Variants in CSF1R observed in about 807,000 individuals in gnomAD.
The protein encoded by CSF1R is colony stimulating factor 1 receptor, also known as macrophage colony-stimulating factor 1 receptor.
CSF1R carries 40 observed loss-of-function variants against 110.0 expected under a neutral mutation model. The observed-to-expected ratio is 0.36, with a 90% CI of 0.28 to 0.47. The LOEUF (loss-of-function observed/expected upper bound fraction) is 0.47, where lower values mean the gene tolerates loss of function less well. Ranked by LOEUF, CSF1R falls within the 20% of genes least tolerant of loss-of-function variation. CSF1R has a pLI of 0.99. For synonymous variants in CSF1R, 523 were observed against 503.4 expected (o/e 1.04, Z -0.52); for missense variants, 1,052 against 1,253.0 (o/e 0.84, Z 2.42).
At chr5:150,068,437 T>C (rs902008047) in intron 9 of CSF1R, 107 bp from the exon 10 acceptor site, 2 of 701,614 alleles carry the variant, frequency 2.9e-6, no homozygotes, top group African/African-American at 1.8e-5. Flanking sequence ...TAAATGCTTG[T>C]TGACTGAATG....
chr5:150,057,246 A>C, intron 16 of CSF1R, 41 bp downstream of exon 16: 1 of 1,570,616 alleles, frequency 6.4e-7, no homozygotes, highest in Non-Finnish European at 8.7e-7. Context: ...CCCGGAGCAC[A>C]GACCTGGGTG....
intron 5 of CSF1R, chr5:150,076,971 GAA>G (rs1758293100): frequency 2.3e-6 from 1 of 426,690 alleles, no homozygotes; most frequent in South Asian, 2.2e-5. Flanking sequence ...ATGCATGAAA[GAA>G]TGAACAAATG....
intron 1 of CSF1R, among the ~76,000 whole-genome samples, chr5:150,093,630 A>T (rs1759116730): frequency 6.6e-6 from 1 of 152,246 alleles, no homozygotes; most frequent in South Asian, 2.1e-4. Context: ...ATCTAACAAG[A>T]TGGTAGAAGA....
In CSF1R at chr5:150,073,528, T is replaced by G. The variant is rs764133773; in HGVS notation, c.890-35A>C. On this transcript the variant is annotated intron_variant, in intron 5 of 20. Transcript: ENST00000675795. ...AGAACACACAAGCATCTGGCATTAG[T>G]GGGAAGATGTCCTTGTTTATTTGTC... is the stretch of plus-strand genomic sequence containing the variant. The G allele has an allele frequency of 5.0e-6, 8 of 1,592,550 alleles. No homozygotes were observed. In the South Asian group the frequency reaches 8.9e-5, roughly 18 times the overall value.
intron 3 of CSF1R, 39 bp from the exon 4 acceptor site, chr5:150,078,287 C>T (rs549811453): frequency 1.9e-6 from 3 of 1,610,928 alleles, no homozygotes; most frequent in East Asian, 4.5e-5. Context: ...CCCAGGCTCC[C>T]TGAACATGAT....
chr5:150,084,414 G>A (rs10038029), intron 1 of CSF1R, among the ~76,000 whole-genome samples: 79 of 52,184 alleles, frequency 1.5e-3, no homozygotes, highest in Middle Eastern at 9.1e-3. Flanking sequence ...AAGGAAGGAA[G>A]GAAGGAAGGA....
chr5:150,068,164 C>T (rs765492401), intron 10 of CSF1R, 51 bp downstream of exon 10: 2 of 1,445,534 alleles, frequency 1.4e-6, no homozygotes, highest in South Asian at 2.4e-5. Flanking sequence ...GGGGTACCAT[C>T]CAAATCTGGC....
intron 1 of CSF1R, among the ~76,000 whole-genome samples, chr5:150,092,027 A>C (rs1447847365): frequency 2.6e-5 from 4 of 152,264 alleles, no homozygotes; most frequent in African/African-American, 9.6e-5. Context: ...TAACTATTTA[A>C]AACAGACATT....
chr5:150,086,548 G>T lies in CSF1R; in HGVS notation c.-121C>A. On this transcript the variant is annotated 5_prime_UTR_variant, in exon 1 of 21. Transcript: ENST00000675795. ...ACACACGTTCCTCTCCTCTGCACTG[G>T]CTGTTTGTCTTGTTTTCCTCTTCCT... The T allele has an allele frequency of 2.2e-6, 2 of 914,158 alleles. No homozygotes were observed. Among genetic ancestry groups the T allele is most frequent in the Non-Finnish European group, 3.4e-6 (2 of 586,370 alleles). The allele number at this position is 914,158 out of a possible 1,614,324, so 56.6% of individuals were successfully genotyped here. A position where few individuals can be genotyped will look rare whatever the true frequency, so the allele number is the denominator to read the frequency against.
chr5:150,065,169 G>A (rs1181996247), intron 10 of CSF1R, among the ~76,000 whole-genome samples: 1 of 152,180 alleles, frequency 6.6e-6, no homozygotes, highest in Admixed American at 6.5e-5. Context: ...CCCCACCAAA[G>A]GGGGCATGGA....
At chr5:150,104,362 G>C (rs1759486991) in intron 1 of CSF1R, among the ~76,000 whole-genome samples, 1 of 152,248 alleles carries the variant, frequency 6.6e-6, no homozygotes, top group Admixed American at 6.5e-5. Context: ...GATGCTGCTT[G>C]TCCTGTCATT....
At chr5:150,109,122 C>T (rs1759642812) in intron 1 of CSF1R, among the ~76,000 whole-genome samples, 2 of 150,888 alleles carry the variant, frequency 1.3e-5, no homozygotes, top group Admixed American at 6.6e-5. Flanking sequence ...GGCCCCTGAC[C>T]CCAGGGCTCA....
chr5:150,077,224 TCA>T (rs1255117176), intron 5 of CSF1R, 50 bp downstream of exon 5: 2 of 1,610,364 alleles, frequency 1.2e-6, no homozygotes, highest in South Asian at 2.2e-5. Context: ...ACCCTTCTGC[TCA>T]CACTCCTGCA....
upstream of CSF1R, among the ~76,000 whole-genome samples, chr5:150,089,521 A>G (rs1316842042): frequency 6.6e-6 from 1 of 152,248 alleles, no homozygotes; most frequent in Non-Finnish European, 1.5e-5. Flanking sequence ...AATGAAAACT[A>G]CAAAACACTG....
rs746020749 is a variant in CSF1R at position 150,054,148 on chromosome 5, G to C, written c.2840C>G (p.Ser947Cys). 1 of 1,613,752 alleles carries C rather than the reference G, an allele frequency of 6.2e-7. No individual in the cohort carries two copies. Among genetic ancestry groups the C allele is most frequent in the Non-Finnish European group, 8.5e-7 (1 of 1,179,890 alleles). Residue 947 changes from serine (S) to cysteine (C), a missense_variant, in exon 21 of 21, where the codon TCT (serine) becomes TGT (cysteine). This residue lies in a region of CSF1R where 85 missense variants were observed against 78.8 expected (regional missense o/e 1.08). Transcript: ENST00000675795. ...CTCGCAGCAGGTCAGGTGCTCACTA[G>C]AGCTCTCCTCCTCCAGCTCACTGCT... ...SSSSELEEES[S>C]SEHLTCCEQG...
intron 1 of CSF1R, among the ~76,000 whole-genome samples, chr5:150,109,141 G>A (rs1442405709): frequency 6.7e-6 from 1 of 149,748 alleles, no homozygotes; most frequent in Non-Finnish European, 1.5e-5. Flanking sequence ...CAGCCTGCTG[G>A]CCACTCTGAG....
intron 4 of CSF1R, among the ~76,000 whole-genome samples, chr5:150,077,859 T>C (rs967419524): frequency 6.6e-6 from 1 of 152,234 alleles, no homozygotes; most frequent in Non-Finnish European, 1.5e-5. Context: ...AAAGGCCATG[T>C]GTCAAGGTGA....
At position 150,086,548 on chromosome 5, in the gene CSF1R, G is replaced by C; in HGVS notation, c.-121C>G. 1 of 914,166 alleles carries C rather than the reference G, an allele frequency of 1.1e-6. No homozygotes were observed. The allele number at this position is 914,166 out of a possible 1,614,324, so 56.6% of individuals were successfully genotyped here. A position where few individuals can be genotyped will look rare whatever the true frequency, so the allele number is the denominator to read the frequency against. ...ACACACGTTCCTCTCCTCTGCACTG[G>C]CTGTTTGTCTTGTTTTCCTCTTCCT... On this transcript the variant is annotated 5_prime_UTR_variant, in exon 1 of 21. Coordinates refer to ENST00000675795, the MANE Select transcript of CSF1R (RefSeq NM_001288705.3).
intron 1 of CSF1R, among the ~76,000 whole-genome samples, chr5:150,083,033 C>T (rs17614852): frequency 0.21 from 31,223 of 151,982 alleles, 3,721 homozygotes; most frequent in Middle Eastern, 0.27. Context: ...GCGGTGTCTG[C>T]CCTATTTTGT....
Sources: allele counts gnomAD v4.1 joint callset (sites outside exome capture counted in the v4.1 genomes callset), GRCh38; gene constraint gnomAD v4.1.1; regional missense constraint gnomAD v4.1.1; transcripts MANE v1.5; gene names NCBI Gene and HGNC (gene_info 2026-07-23, HGNC 2026-07-21).